The following DNAI7 variants were observed in gnomAD, a reference collection of about 807,000 sequenced individuals.
DNAI7 encodes dynein axonemal intermediate chain 7, also known as cancer susceptibility 1.
DNAI7 carries 78 observed loss-of-function variants against 86.6 expected under a neutral mutation model. The ratio of observed to expected loss-of-function variants is 0.90; its 90% CI spans 0.75 to 1.09. The LOEUF (loss-of-function observed/expected upper bound fraction) is 1.09. Ranked by LOEUF, DNAI7 falls within the 50% of genes least tolerant of loss-of-function variation. The pLI is 0.00. For missense variants in DNAI7, 753 were observed against 810.2 expected (o/e 0.93, Z 0.86); for synonymous variants, 274 against 273.0 (o/e 1.00, Z -0.04).
At position 25,176,870 on chromosome 12, in the gene DNAI7, A is replaced by G. The variant is rs12370682; in HGVS notation, c.21+13744T>C. ...TTTTTTTAATTGTGACAAAGTATAC[A>G]TAACATAAAATTTACCATTTTAACC... On this transcript the variant is annotated intron_variant, in intron 2 of 15. Coordinates refer to ENST00000395987, the MANE Select transcript of DNAI7 (RefSeq NM_018272.5). Among the ~76,000 whole-genome samples the G allele has an allele frequency of 6.0e-3, 896 of 150,404 alleles. 6 individuals are homozygous for G. The highest frequency in any genetic ancestry group is 8.0e-3 in the Non-Finnish European group (539 of 67,564).
rs746245657 is a variant in DNAI7 at position 25,121,815 on chromosome 12, G to C, written c.1177C>G (p.His393Asp). 2.5e-6 allele frequency: 4 copies of C among 1,606,390 alleles called. No individual in the cohort carries two copies. The South Asian group carries it at 4.5e-5, about 18-fold the overall frequency. The change falls in exon 11 of 16, where the codon CAC (histidine) becomes GAC (aspartate). Residue 393 changes from histidine (H) to aspartate (D), a missense_variant. Transcript: ENST00000395987. ...CQFTTLGGVY[H>D]LDILELPPQC... Reference sequence around the variant, plus strand: ...GGAGGAAGCTCCAAAATATCCAAGTGGTATACTCCACCCAGAGTTGTGAAC... The same window carrying C: ...GGAGGAAGCTCCAAAATATCCAAGTCGTATACTCCACCCAGAGTTGTGAAC...
At chr12:25,176,423 A>G (rs1480086290) in intron 2 of DNAI7, among the ~76,000 whole-genome samples, 1 of 152,136 alleles carries the variant, frequency 6.6e-6, no homozygotes, top group African/African-American at 2.4e-5. Context: ...CTAAATGTTA[A>G]ACATAAAAAC....
At chr12:25,168,815 C>T (rs566550814) in intron 2 of DNAI7, among the ~76,000 whole-genome samples, 1 of 152,216 alleles carries the variant, frequency 6.6e-6, no homozygotes, top group South Asian at 2.1e-4. Flanking sequence ...TTCTCCTTCT[C>T]TTATTCTGTT....
rs927521484 is a variant in DNAI7, at chr12:25,149,746, A to G, written c.467T>C (p.Leu156Pro). 5.9e-6 allele frequency: 9 copies of G among 1,530,380 alleles called. 1 individual carries two copies. The highest frequency in any genetic ancestry group is 5.4e-6 in the Non-Finnish European group (6 of 1,109,550). 94.8% of individuals were successfully genotyped at this position (1,530,380 alleles called of 1,614,324 possible). A position where few individuals can be genotyped will look rare whatever the true frequency, so the allele number is the denominator to read the frequency against. Residue 156 changes from leucine to proline, a missense_variant, in exon 7 of 16, where the codon CTG becomes CCG. Coordinates refer to ENST00000395987, the MANE Select transcript of DNAI7 (RefSeq NM_018272.5). The part of the protein sequence containing the change: ...NLIEKLKFIL[L>P]ETPPCDLQDK... Reference sequence around the variant, plus strand: ...TTGCAAATCACATGGTGGAGTTTCCAGTAAAATAAATTTCAATTTCTCAAT... The same window carrying G: ...TTGCAAATCACATGGTGGAGTTTCCGGTAAAATAAATTTCAATTTCTCAAT...
intron 14 of DNAI7, among the ~76,000 whole-genome samples, chr12:25,111,036 A>G (rs1938716466): frequency 6.6e-6 from 1 of 152,138 alleles, no homozygotes; most frequent in Admixed American, 6.5e-5. Flanking sequence ...CTATGCATAT[A>G]TGTACATACA....
intron 1 of DNAI7, among the ~76,000 whole-genome samples, chr12:25,191,298 T>C (rs187059619): frequency 6.6e-6 from 1 of 152,112 alleles, no homozygotes; most frequent in East Asian, 1.9e-4. Flanking sequence ...CCCAGCTACT[T>C]GGGAGGCTGA....
intron 2 of DNAI7, among the ~76,000 whole-genome samples, chr12:25,176,851 T>A (rs1047176035): frequency 7.4e-4 from 113 of 151,802 alleles, no homozygotes; most frequent in Non-Finnish European, 1.3e-3. Flanking sequence ...TTGCTTTTTT[T>A]AATTGTGACA....
At chr12:25,119,040 A>G (rs1038079030) in intron 12 of DNAI7, 105 bp downstream of exon 12, 13 of 876,678 alleles carry the variant, frequency 1.5e-5, no homozygotes, top group Non-Finnish European at 2.2e-5. Context: ...ATTGGCATAG[A>G]AATATGTAAG....
chr12:25,127,144 T>C (rs1942256778), intron 9 of DNAI7, among the ~76,000 whole-genome samples: 1 of 152,236 alleles, frequency 6.6e-6, no homozygotes, highest in Admixed American at 6.5e-5. Flanking sequence ...GTGAGTCAAC[T>C]TACATTCTAG....
chr12:25,133,792 T>G (rs1943217557), intron 9 of DNAI7, among the ~76,000 whole-genome samples: 1 of 152,218 alleles, frequency 6.6e-6, no homozygotes, highest in Non-Finnish European at 1.5e-5. Flanking sequence ...ACTCTCACTT[T>G]CTAGGCAATC....
intron 6 of DNAI7, among the ~76,000 whole-genome samples, chr12:25,151,062 T>C (rs997135508): frequency 1.3e-5 from 2 of 152,236 alleles, no homozygotes; most frequent in South Asian, 2.1e-4. Flanking sequence ...GAATTAAATT[T>C]TGAACACTAA....
chr12:25,133,017 T>C lies in DNAI7; in HGVS notation c.1003-9731A>G, dbSNP rs183058541. Among the ~76,000 whole-genome samples, 444 of 152,338 alleles carry C rather than the reference T, an allele frequency of 2.9e-3. 1 individual carries two copies. The highest frequency in any genetic ancestry group is 0.01 in the African/African-American group (429 of 41,584). ...CCAATCTCTTTTTCGTTCATGCTTTTGGTTTTGATGCACTGGTAAGTACGA... is the reference window on the plus strand; with the variant it reads ...CCAATCTCTTTTTCGTTCATGCTTTCGGTTTTGATGCACTGGTAAGTACGA... On this transcript the variant is annotated intron_variant, in intron 9 of 15. Coordinates refer to ENST00000395987, the MANE Select transcript of DNAI7 (RefSeq NM_018272.5).
At chr12:25,152,588 G>T (rs745442814) in intron 6 of DNAI7, among the ~76,000 whole-genome samples, 8 of 152,196 alleles carry the variant, frequency 5.3e-5, no homozygotes, top group Non-Finnish European at 1.0e-4. Flanking sequence ...AACCAGTAAA[G>T]GCGAGTAAAT....
intron 2 of DNAI7, among the ~76,000 whole-genome samples, chr12:25,189,530 TAATC>T (rs1219763583): frequency 1.3e-5 from 2 of 151,584 alleles, no homozygotes; most frequent in Non-Finnish European, 2.9e-5. Context: ...TAATCCCAGC[TAATC>T]AAGAGGCTGA....
chr12:25,135,198 C>T (rs778578432), intron 9 of DNAI7, among the ~76,000 whole-genome samples: 1 of 152,242 alleles, frequency 6.6e-6, no homozygotes, highest in Non-Finnish European at 1.5e-5. Context: ...CACATCCTCA[C>T]TGGAGAACCT....
At chr12:25,175,745 T>C (rs1374747869) in intron 2 of DNAI7, among the ~76,000 whole-genome samples, 1 of 152,194 alleles carries the variant, frequency 6.6e-6, no homozygotes, top group Non-Finnish European at 1.5e-5. Flanking sequence ...AATAAAACTT[T>C]CACAGTACTC....
At chr12:25,109,098 C>A (rs1592148587) in intron 15 of DNAI7, among the ~76,000 whole-genome samples, 1 of 152,040 alleles carries the variant, frequency 6.6e-6, no homozygotes, top group Non-Finnish European at 1.5e-5. Context: ...GGGGATATAA[C>A]AGAGAAAGAA....
At chr12:25,183,359 G>A (rs1281527177) in intron 2 of DNAI7, among the ~76,000 whole-genome samples, 2 of 151,826 alleles carry the variant, frequency 1.3e-5, no homozygotes, top group Non-Finnish European at 2.9e-5. Context: ...AAACCTGTAC[G>A]TGGGTATATT....
At chr12:25,191,238 C>T (rs1305551977) in intron 1 of DNAI7, among the ~76,000 whole-genome samples, 1 of 152,066 alleles carries the variant, frequency 6.6e-6, no homozygotes, top group African/African-American at 2.4e-5. Context: ...CACAGGAAGA[C>T]CCCGTCTCTA....
Sources: allele counts gnomAD v4.1 joint callset (sites outside exome capture counted in the v4.1 genomes callset), GRCh38; gene constraint gnomAD v4.1.1; transcripts MANE v1.5; gene names NCBI Gene and HGNC (gene_info 2026-07-23, HGNC 2026-07-21).